The following CFAP299 variants were observed in gnomAD, a reference collection of about 807,000 sequenced individuals.
CFAP299 encodes cilia- and flagella-associated protein 299.
A neutral mutation model predicts 27.0 loss-of-function variants in CFAP299; 21 were observed. The ratio of observed to expected loss-of-function variants is 0.78; its 90% CI spans 0.55 to 1.12. The LOEUF (loss-of-function observed/expected upper bound fraction) is 1.12, where lower values mean the gene tolerates loss of function less well. Ranked by LOEUF, CFAP299 falls within the 50% of genes most tolerant of loss-of-function variation. CFAP299 has a pLI of 0.00. For missense variants in CFAP299, 310 were observed against 276.6 expected (o/e 1.12, Z -0.86); for synonymous variants, 104 against 98.1 (o/e 1.06, Z -0.36).
chr4:80,904,461 G>A (rs1351411761), intron 4 of CFAP299, among the ~76,000 whole-genome samples: 3 of 152,034 alleles, frequency 2.0e-5, no homozygotes, highest in African/African-American at 7.2e-5. Context: ...TTTTAACAAG[G>A]CCTAAATTAG....
At chr4:80,387,701 C>G in intron 2 of CFAP299, 1 of 1,579,974 alleles carries the variant, frequency 6.3e-7, no homozygotes, top group Non-Finnish European at 8.7e-7. Context: ...TGGCCACATG[C>G]AATGCATTGG....
chr4:80,834,709 T>C (rs937846395), intron 3 of CFAP299, among the ~76,000 whole-genome samples: 2 of 152,174 alleles, frequency 1.3e-5, no homozygotes, highest in Non-Finnish European at 2.9e-5. Context: ...TCACTAATCC[T>C]GGTAGTCGGC....
intron 2 of CFAP299, among the ~76,000 whole-genome samples, chr4:80,418,696 C>T (rs1388902757): frequency 6.6e-6 from 1 of 151,644 alleles, no homozygotes; most frequent in Non-Finnish European, 1.5e-5. Flanking sequence ...CTCTCTGCTA[C>T]TTAGAGTTCA....
At chr4:80,614,999 A>G (rs139961763) in intron 3 of CFAP299, among the ~76,000 whole-genome samples, 1 of 152,284 alleles carries the variant, frequency 6.6e-6, no homozygotes, top group East Asian at 1.9e-4. Context: ...AGCTAATTAT[A>G]TGTTAAATAC....
At position 80,668,141 on chromosome 4, in the gene CFAP299, T is replaced by A. The variant is rs944588987; in HGVS notation, c.333+84958T>A. On this transcript the variant is annotated intron_variant, in intron 3 of 5. Coordinates refer to ENST00000358105, the MANE Select transcript of CFAP299 (RefSeq NM_152770.3). ...TTGGGAAATATCTATTCAGTTCTTT[T>A]GTTTGTTTTTAAATAAATTTTTTTT... Among the ~76,000 whole-genome samples, 8 of 115,842 alleles carry A rather than the reference T, an allele frequency of 6.9e-5. No individual in the cohort carries two copies. In the Admixed American group the frequency reaches 8.2e-4, roughly 12 times the overall value. The allele number at this position is 115,842 out of a possible 152,430, so 76.0% of individuals were successfully genotyped here. A position where few individuals can be genotyped will look rare whatever the true frequency, so the allele number is the denominator to read the frequency against.
chr4:80,642,241 A>G (rs755818895), intron 3 of CFAP299, among the ~76,000 whole-genome samples: 2 of 152,226 alleles, frequency 1.3e-5, no homozygotes, highest in Non-Finnish European at 2.9e-5. Flanking sequence ...TATGGTGAAC[A>G]TAAAACCTCA....
intron 4 of CFAP299, among the ~76,000 whole-genome samples, chr4:80,927,993 C>T (rs1055164696): frequency 9.2e-5 from 14 of 152,080 alleles, no homozygotes; most frequent in African/African-American, 2.2e-4. Context: ...AACTTGATAA[C>T]GTATCCACCA....
chr4:80,739,101 A>G (rs150438913), intron 3 of CFAP299, among the ~76,000 whole-genome samples: 6 of 152,104 alleles, frequency 3.9e-5, no homozygotes, highest in Admixed American at 2.0e-4. Flanking sequence ...CTCTTTATGT[A>G]TTATTGTACT....
At chr4:80,490,883 T>C (rs78594358) in intron 2 of CFAP299, among the ~76,000 whole-genome samples, 1 of 152,266 alleles carries the variant, frequency 6.6e-6, no homozygotes, top group Non-Finnish European at 1.5e-5. Context: ...TTACTTTTTA[T>C]TGTATAAATT....
At chr4:80,873,333 T>G (rs1393723145) in intron 4 of CFAP299, among the ~76,000 whole-genome samples, 2 of 152,168 alleles carry the variant, frequency 1.3e-5, no homozygotes, top group Non-Finnish European at 1.5e-5. Context: ...CTTGCATTTT[T>G]ACTGTGGAAA....
intron 3 of CFAP299, among the ~76,000 whole-genome samples, chr4:80,742,040 C>T (rs1241295991): frequency 6.6e-6 from 1 of 152,162 alleles, no homozygotes; most frequent in Non-Finnish European, 1.5e-5. Context: ...CTGATTATCT[C>T]TCTGCCCTGC....
At chr4:80,909,427 T>A (rs940835018) in intron 4 of CFAP299, among the ~76,000 whole-genome samples, 1 of 152,006 alleles carries the variant, frequency 6.6e-6, no homozygotes, top group African/African-American at 2.4e-5. Context: ...ATATGAGAAA[T>A]AAATCTAGTA....
chr4:80,706,846 A>G (rs114842769), intron 3 of CFAP299, among the ~76,000 whole-genome samples: 25 of 152,058 alleles, frequency 1.6e-4, no homozygotes, highest in Admixed American at 6.6e-4. Context: ...TTTAGTATAC[A>G]TAAGAATTAA....
chr4:80,927,690 C>T (rs1441820682), intron 4 of CFAP299, among the ~76,000 whole-genome samples: 2 of 152,020 alleles, frequency 1.3e-5, no homozygotes, highest in Non-Finnish European at 2.9e-5. Flanking sequence ...GTCCCATGGC[C>T]CCTGTATCTG....
At chr4:80,799,257 ATATT>A (rs1179777074) in intron 3 of CFAP299, among the ~76,000 whole-genome samples, 2 of 113,468 alleles carry the variant, frequency 1.8e-5, no homozygotes, top group African/African-American at 7.1e-5. Context: ...TTGTATAAAT[ATATT>A]TATATAATAT....
chr4:80,622,214 T>C (rs899109580), intron 3 of CFAP299, among the ~76,000 whole-genome samples: 7 of 152,142 alleles, frequency 4.6e-5, no homozygotes, highest in African/African-American at 1.4e-4. Context: ...AGGAGACTAA[T>C]TGGGAGAGCT....
intron 3 of CFAP299, among the ~76,000 whole-genome samples, chr4:80,855,387 AT>A (rs908510391): frequency 7.9e-5 from 12 of 151,146 alleles, no homozygotes; most frequent in Non-Finnish European, 1.3e-4. Context: ...TTTTTATCTT[AT>A]TTTCTTTTTA....
chr4:80,884,941 TA>T (rs901105428), intron 4 of CFAP299, among the ~76,000 whole-genome samples: 4 of 152,140 alleles, frequency 2.6e-5, no homozygotes, highest in African/African-American at 9.7e-5. Context: ...TTCTTATCGC[TA>T]AAAGAAGCAT....
At chr4:80,504,156 C>T (rs1731879362) in intron 2 of CFAP299, among the ~76,000 whole-genome samples, 1 of 151,548 alleles carries the variant, frequency 6.6e-6, no homozygotes, top group Non-Finnish European at 1.5e-5. Context: ...GAATGGCTTT[C>T]CTGAGGGAGT....
Sources: gnomAD v4.1 joint callset for allele counts (sites outside exome capture counted in the v4.1 genomes callset) on GRCh38, gnomAD v4.1.1 for gene constraint, MANE v1.5 for transcripts, NCBI Gene and HGNC (gene_info 2026-07-23, HGNC 2026-07-21) for gene names.